Variants in AP5M1 observed in about 807,000 individuals in gnomAD.
AP5M1 encodes the protein adaptor related protein complex 5 subunit mu 1, also known as AP-5 complex subunit mu-1.
A neutral mutation model predicts 52.3 loss-of-function variants in AP5M1; 44 were observed. The observed-to-expected ratio is 0.84, with a 90% confidence interval of 0.66 to 1.08. AP5M1 has a LOEUF of 1.08. Ranked by LOEUF, AP5M1 falls within the 50% of genes least tolerant of loss-of-function variation. The pLI is 0.00. For missense variants in AP5M1, 526 were observed against 568.4 expected, an observed-to-expected ratio of 0.93 and a Z score of 0.76; for synonymous variants, 213 against 199.0, an observed-to-expected ratio of 1.07 and a Z score of -0.59.
intron 4 of AP5M1, among the ~76,000 whole-genome samples, chr14:57,282,584 A>G (rs902909832): frequency 1.3e-5 from 2 of 152,210 alleles, no homozygotes; most frequent in Admixed American, 1.3e-4. Flanking sequence ...TTTATTATCA[A>G]TTCTACTTTT....
Position 57,288,888 on chromosome 14 carries a change from T to A in AP5M1, c.*4T>A, listed in dbSNP as rs1396367580. On this transcript the variant is annotated 3_prime_UTR_variant, in exon 8 of 8. Coordinates refer to ENST00000261558, the MANE Select transcript of AP5M1 (RefSeq NM_018229.4). ...ATATGGATCATTATTATTGTAATAG[T>A]CTCATGTTTAAATGGGATTATATAA... 1 of 1,478,648 alleles carries A rather than the reference T, an allele frequency of 6.8e-7. No homozygotes were observed. Among genetic ancestry groups the A allele is most frequent in the Non-Finnish European group, 9.4e-7 (1 of 1,069,312 alleles). 91.6% of individuals were successfully genotyped at this position (1,478,648 alleles called of 1,614,324 possible).
chr14:57,290,631 T>C lies in AP5M1; in HGVS notation c.*1747T>C, dbSNP rs1303250060. 2.0e-5 allele frequency: 3 copies of C among 151,948 alleles called. No individual in the cohort carries two copies. The highest frequency in any genetic ancestry group is 2.9e-5 in the Non-Finnish European group (2 of 67,894). 9.4% of individuals were successfully genotyped at this position (151,948 alleles called of 1,614,324 possible). On this transcript the variant is annotated 3_prime_UTR_variant, in exon 8 of 8. Coordinates refer to ENST00000261558, the MANE Select transcript of AP5M1 (RefSeq NM_018229.4). ...ATCAGTGAATCTTCTATTTGACATT[T>C]CTAGAAACCGGAGGAAAATCTAGGG...
rs1171863118 is a variant in AP5M1 at position 57,298,505 on chromosome 14, C to T, written c.*9621C>T. 6.6e-6 allele frequency: 1 copy of T among 152,048 alleles called. No homozygotes were observed. Among genetic ancestry groups the T allele is most frequent in the African/African-American group, 2.4e-5 (1 of 41,390 alleles). The allele number at this position is 152,048 out of a possible 1,614,324, so 9.4% of individuals were successfully genotyped here. A position where few individuals can be genotyped will look rare whatever the true frequency, so the allele number is the denominator to read the frequency against. ...GGTTATTGTGAGCATTGAATGATAC[C>T]AAGTTATAAGTGCATAGGTATTCAA... On this transcript the variant is annotated 3_prime_UTR_variant, in exon 8 of 8. Coordinates refer to ENST00000261558, the MANE Select transcript of AP5M1 (RefSeq NM_018229.4).
At chr14:57,275,605 A>T (rs370185973) in intron 2 of AP5M1, 5 of 152,434 alleles carry the variant, frequency 3.3e-5, no homozygotes, top group East Asian at 1.9e-4. Flanking sequence ...GGCGTGGAAT[A>T]AGGCTCCACC....
In AP5M1 at chr14:57,293,569, A is replaced by G. The variant is rs1885484539; in HGVS notation, c.*4685A>G. 6.6e-6 allele frequency: 1 copy of G among 151,780 alleles called. No individual in the cohort carries two copies. The highest frequency in any genetic ancestry group is 2.4e-5 in the African/African-American group (1 of 41,392). 9.4% of individuals were successfully genotyped at this position (151,780 alleles called of 1,614,324 possible). On this transcript the variant is annotated 3_prime_UTR_variant, in exon 8 of 8. Transcript: ENST00000261558. ...AGCAGAATTGCGGATCAGGAAAAAT[A>G]CAAGATAACGGCATTCTATAAAGAT...
At chr14:57,271,689 C>G (rs1189896) in intron 1 of AP5M1, among the ~76,000 whole-genome samples, 36,640 of 152,162 alleles carry the variant, frequency 0.24, 10,824 homozygotes, top group African/African-American at 0.71. Flanking sequence ...TGCAATCAAA[C>G]TAGTTAATTG....
chr14:57,283,386 G>T (rs1420108807), intron 6 of AP5M1, 156 bp downstream of exon 6: 1 of 570,836 alleles, frequency 1.8e-6, no homozygotes, highest in Non-Finnish European at 3.1e-6. Context: ...TTGATTTTTT[G>T]TTGTTGTTTA....
rs1885601066 is a variant in AP5M1 at position 57,298,718 on chromosome 14, G to A, written c.*9834G>A. 6.6e-6 allele frequency: 1 copy of A among 152,126 alleles called. No homozygotes were observed. The highest frequency in any genetic ancestry group is 2.1e-4 in the South Asian group (1 of 4,830). The allele number at this position is 152,126 out of a possible 1,614,324, so 9.4% of individuals were successfully genotyped here. A position where few individuals can be genotyped will look rare whatever the true frequency, so the allele number is the denominator to read the frequency against. On this transcript the variant is annotated 3_prime_UTR_variant, in exon 8 of 8. Coordinates refer to ENST00000261558, the MANE Select transcript of AP5M1 (RefSeq NM_018229.4). ...TCAGTTGCTTGAATGGGTGTTTGGA[G>A]TTAATAAAATGGCTGTACAATTGAG...
At chr14:57,286,098 C>G in intron 6 of AP5M1, 125 bp from the exon 7 acceptor site, 2 of 644,332 alleles carry the variant, frequency 3.1e-6, no homozygotes, top group South Asian at 3.8e-5. Context: ...AAGTTTAGTA[C>G]TTGTGGTTTT....
At chr14:57,283,361 CTT>C in intron 6 of AP5M1, 131 bp downstream of exon 6, 1 of 621,458 alleles carries the variant, frequency 1.6e-6, no homozygotes. Context: ...GATAAGTTCT[CTT>C]TTGGATTTTT....
chr14:57,282,982 A>G lies in AP5M1; in HGVS notation c.1137A>G (p.Glu379=). The stretch of plus-strand genomic sequence containing the variant: ...ACAAAACTAGTTTTGGCCAGCTTGA[A>G]GTATTTCGAGAGAAAAGCTTATTGA... ...LEYKTSFGQL[E]VFREKSLLIW... is the part of the protein sequence containing the mutation. The change falls in exon 5 of 8, where the codon GAA becomes GAG. Residue 379 remains glutamate, a synonymous_variant. Coordinates refer to ENST00000261558, the MANE Select transcript of AP5M1 (RefSeq NM_018229.4). 9 of 1,601,438 alleles carry G rather than the reference A, an allele frequency of 5.6e-6. No individual in the cohort carries two copies. The highest frequency in any genetic ancestry group is 7.7e-6 in the Non-Finnish European group (9 of 1,172,738).
At chr14:57,285,993 A>G (rs1484556119) in intron 6 of AP5M1, among the ~76,000 whole-genome samples, 3 of 152,194 alleles carry the variant, frequency 2.0e-5, no homozygotes, top group Non-Finnish European at 4.4e-5. Flanking sequence ...TAAGTACTTC[A>G]TAATGACAGC....
intron 1 of AP5M1, among the ~76,000 whole-genome samples, chr14:57,269,909 T>C (rs903054830): frequency 1.3e-5 from 2 of 152,104 alleles, no homozygotes; most frequent in Non-Finnish European, 2.9e-5. Flanking sequence ...CCCGGGTTCA[T>C]GCCGTTCTCC....
rs1884810557 is a variant in AP5M1 at position 57,269,219 on chromosome 14, G to T, written c.-96G>T. The T allele has an allele frequency of 2.5e-6, 3 of 1,199,564 alleles. No individual in the cohort carries two copies. The African/African-American group carries it at 4.6e-5, about 18-fold the overall frequency. 74.3% of individuals were successfully genotyped at this position (1,199,564 alleles called of 1,614,324 possible). A position where few individuals can be genotyped will look rare whatever the true frequency, so the allele number is the denominator to read the frequency against. On this transcript the variant is annotated 5_prime_UTR_variant, in exon 1 of 8. Transcript: ENST00000261558. ...GTATGCGGCGCAGGATGAGCCTCAG[G>T]GCTTCTGTTAAGAGTCTGTCTGAGA...
rs1885568503 is a variant in AP5M1, at chr14:57,297,085, A to G, written c.*8201A>G. On this transcript the variant is annotated 3_prime_UTR_variant, in exon 8 of 8. Coordinates refer to ENST00000261558, the MANE Select transcript of AP5M1 (RefSeq NM_018229.4). The stretch of plus-strand genomic sequence containing the variant: ...TGAGCACCTGATATAGCAGAAGGAA[A>G]TAAAGATTATAGTAAGTATATTCAT... The G allele has an allele frequency of 4.6e-5, 7 of 152,088 alleles. No individual in the cohort carries two copies. The highest frequency in any genetic ancestry group is 4.6e-4 in the Admixed American group (7 of 15,220). 9.4% of individuals were successfully genotyped at this position (152,088 alleles called of 1,614,324 possible).
chr14:57,288,684 A>G (rs1885367004), intron 7 of AP5M1, 118 bp from the exon 8 acceptor site: 6 of 636,452 alleles, frequency 9.4e-6, no homozygotes, highest in Non-Finnish European at 1.7e-5. Flanking sequence ...ATTAAAATGA[A>G]TATTTCAAAG....
Position 57,274,701 on chromosome 14 carries a change from C to G in AP5M1, c.532C>G (p.Gln178Glu). 6.2e-7 allele frequency: 1 copy of G among 1,614,186 alleles called. No individual in the cohort carries two copies. Among genetic ancestry groups the G allele is most frequent in the South Asian group, 1.1e-5 (1 of 91,088 alleles). Reference protein sequence around the residue: ...PFGTLLDANLQNSLDNTNFAS... With the variant: ...PFGTLLDANLENSLDNTNFAS... Reference sequence around the variant, plus strand: ...TGGTACTTTATTAGATGCCAACTTACAGAATTCATTAGATAATACCAATTT... The same window carrying G: ...TGGTACTTTATTAGATGCCAACTTAGAGAATTCATTAGATAATACCAATTT... Residue 178 changes from glutamine to glutamate, a missense_variant, in exon 2 of 8, where the codon CAG (glutamine) becomes GAG (glutamate). This residue lies in a region of AP5M1 where 425 missense variants were observed against 430.6 expected (regional missense o/e 0.99). Coordinates refer to ENST00000261558, the MANE Select transcript of AP5M1 (RefSeq NM_018229.4).
At chr14:57,281,816 T>C (rs925274703) in intron 3 of AP5M1, among the ~76,000 whole-genome samples, 2 of 152,198 alleles carry the variant, frequency 1.3e-5, no homozygotes, top group African/African-American at 4.8e-5. Flanking sequence ...GCATGCCCTA[T>C]GCGGCAGATC....
At chr14:57,273,814 G>C in intron 1 of AP5M1, 1 of 688,356 alleles carries the variant, frequency 1.5e-6, no homozygotes, top group Admixed American at 2.1e-5. Context: ...CAAAATTATG[G>C]AGGGTTAAAT....
Sources: gnomAD v4.1 joint callset for allele counts (sites outside exome capture counted in the v4.1 genomes callset) on GRCh38, gnomAD v4.1.1 for gene constraint, gnomAD v4.1.1 regional missense constraint, MANE v1.5 for transcripts, NCBI Gene and HGNC (gene_info 2026-07-23, HGNC 2026-07-21) for gene names.